Variants in CFAP54 observed in about 807,000 individuals in gnomAD.
CFAP54 encodes cilia and flagella associated protein 54.
A neutral mutation model predicts 370.4 loss-of-function variants in CFAP54; 290 were observed. That is an observed-to-expected ratio of 0.78 (90% confidence interval 0.71 to 0.86). The LOEUF (loss-of-function observed/expected upper bound fraction) is 0.86. CFAP54 is among the 40% of genes least tolerant of loss of function. The pLI is 0.00. For missense variants in CFAP54, 3,399 were observed against 3,528.7 expected (o/e 0.96, Z 0.93); for synonymous variants, 1,206 against 1,236.5 (o/e 0.98, Z 0.52).
In CFAP54 at chr12:96,547,914, GA is replaced by G; in HGVS notation, c.2091del (p.Glu698LysfsTer42). On this transcript the variant is annotated frameshift_variant, in exon 15 of 68. Coordinates refer to ENST00000524981, the MANE Select transcript of CFAP54 (RefSeq NM_001306084.2). LOFTEE classifies it high-confidence loss of function. ...CTTTCTTTTCCAGATGTACCTTTAA[GA>G]GAAGGGACTAACAAATTCCCTGGAG... ...KFKQSLDVPL[R>X]EGTNKFPGAP... The G allele has an allele frequency of 6.7e-7, 1 of 1,491,746 alleles. No individual in the cohort carries two copies. The highest frequency in any genetic ancestry group is 1.3e-5 in the South Asian group (1 of 79,138). The allele number at this position is 1,491,746 out of a possible 1,614,324, so 92.4% of individuals were successfully genotyped here. A position where few individuals can be genotyped will look rare whatever the true frequency, so the allele number is the denominator to read the frequency against.
intron 39 of CFAP54, among the ~76,000 whole-genome samples, chr12:96,666,464 G>A (rs1033722521): frequency 2.0e-5 from 3 of 152,182 alleles, no homozygotes; most frequent in African/African-American, 7.2e-5. Flanking sequence ...ACAAAAAGAG[G>A]TTTAATGAAT....
At chr12:96,647,463 A>C (rs1956807910) in intron 33 of CFAP54, among the ~76,000 whole-genome samples, 1 of 126,190 alleles carries the variant, frequency 7.9e-6, no homozygotes, top group African/African-American at 3.0e-5. Context: ...ACAGAGCGAG[A>C]CTCTGTCCCA....
At chr12:96,729,757 C>G (rs1957896140) in intron 50 of CFAP54, among the ~76,000 whole-genome samples, 1 of 152,176 alleles carries the variant, frequency 6.6e-6, no homozygotes, top group South Asian at 2.1e-4. Context: ...GATGGAAATG[C>G]AGAAATCACC....
At chr12:96,654,325 C>T (rs1461271804) in intron 36 of CFAP54, among the ~76,000 whole-genome samples, 1 of 152,010 alleles carries the variant, frequency 6.6e-6, no homozygotes, top group Non-Finnish European at 1.5e-5. Context: ...CTCGGTGAAA[C>T]CCCGTCTCTA....
At chr12:96,836,889 G>A (rs915284496) in intron 66 of CFAP54, among the ~76,000 whole-genome samples, 4 of 152,132 alleles carry the variant, frequency 2.6e-5, no homozygotes, top group African/African-American at 9.7e-5. Flanking sequence ...GTGCAGTGGT[G>A]TGATTATAGC....
chr12:96,741,219 T>C (rs1958047542), intron 51 of CFAP54, among the ~76,000 whole-genome samples: 1 of 152,214 alleles, frequency 6.6e-6, no homozygotes, highest in Non-Finnish European at 1.5e-5. Context: ...CAACCTGGAA[T>C]GCAGTGGCAC....
chr12:96,630,262 A>T, intron 31 of CFAP54, 58 bp downstream of exon 31: 1 of 876,366 alleles, frequency 1.1e-6, no homozygotes, highest in Non-Finnish European at 1.7e-6. Context: ...TCATGTATCT[A>T]GAGATGATTG....
rs890329927 is a variant in CFAP54 at position 96,605,451 on chromosome 12, T to C, written c.3639+6684T>C. Among the ~76,000 whole-genome samples the C allele has an allele frequency of 3.3e-5, 5 of 152,148 alleles. No homozygotes were observed. In the East Asian group the frequency reaches 9.6e-4, roughly 29 times the overall value. On this transcript the variant is annotated intron_variant, in intron 26 of 67. Transcript: ENST00000524981. ...ACTAGGCAGACTCTAAGGACAATTC[T>C]GAGATTGGTGTGCAGGACCCTGAAC...
At chr12:96,757,719 G>T in intron 58 of CFAP54, 131 bp downstream of exon 58, 1 of 524,424 alleles carries the variant, frequency 1.9e-6, no homozygotes, top group East Asian at 3.0e-5. Context: ...TTTCTTTGTA[G>T]TTACACTTGT....
intron 60 of CFAP54, among the ~76,000 whole-genome samples, chr12:96,772,291 A>G (rs991244602): frequency 1.4e-4 from 21 of 152,302 alleles, no homozygotes; most frequent in African/African-American, 5.1e-4. Context: ...TCAGAAGTCC[A>G]AAATAGGTCT....
At chr12:96,637,023 C>T (rs957336575) in intron 32 of CFAP54, among the ~76,000 whole-genome samples, 5 of 152,180 alleles carry the variant, frequency 3.3e-5, no homozygotes, top group South Asian at 2.1e-4. Context: ...GAAAGAAACC[C>T]GGCACCCCTT....
intron 66 of CFAP54, among the ~76,000 whole-genome samples, chr12:96,853,554 A>C (rs561723953): frequency 6.6e-6 from 1 of 152,286 alleles, no homozygotes; most frequent in East Asian, 1.9e-4. Flanking sequence ...ATTTTTACTT[A>C]AAAGAATTTT....
intron 50 of CFAP54, among the ~76,000 whole-genome samples, chr12:96,735,998 G>A (rs1957976289): frequency 6.6e-6 from 1 of 152,094 alleles, no homozygotes; most frequent in Non-Finnish European, 1.5e-5. Context: ...AGAAAACAAG[G>A]CATGTTAATT....
chr12:96,527,200 A>G, intron 8 of CFAP54, 46 bp from the exon 9 acceptor site: 2 of 1,456,620 alleles, frequency 1.4e-6, no homozygotes, highest in South Asian at 1.4e-5. Context: ...CCCACAATAT[A>G]ATAGCTTTAA....
At chr12:96,833,099 G>GA (rs1659512258) in intron 66 of CFAP54, among the ~76,000 whole-genome samples, 1 of 152,182 alleles carries the variant, frequency 6.6e-6, no homozygotes, top group African/African-American at 2.4e-5. Context: ...ATAGCAGAAA[G>GA]ATGAAGGAAG....
intron 15 of CFAP54, among the ~76,000 whole-genome samples, chr12:96,551,662 C>CA (rs940405423): frequency 6.6e-6 from 1 of 151,590 alleles, no homozygotes; most frequent in Non-Finnish European, 1.5e-5. Flanking sequence ...CAAAGAGATG[C>CA]AAAAAAAGCA....
chr12:96,666,105 G>A (rs1957076486), intron 39 of CFAP54, among the ~76,000 whole-genome samples: 1 of 152,032 alleles, frequency 6.6e-6, no homozygotes, highest in Non-Finnish European at 1.5e-5. Context: ...CAATCTGTAA[G>A]TTAGATAAGA....
rs190184870 is a variant in CFAP54 at position 96,779,992 on chromosome 12, G to A, written c.8282-4725G>A. ...TATTGGCTTTTGCATAGTTTTTGGG[G>A]GTGAACTTTTTCTAAAACGATGCCT... On this transcript the variant is annotated intron_variant, in intron 60 of 67. Transcript: ENST00000524981. Among the ~76,000 whole-genome samples, 463 of 152,036 alleles carry A rather than the reference G, an allele frequency of 3.0e-3. 1 individual carries two copies. Among genetic ancestry groups the A allele is most frequent in the Middle Eastern group, 0.01 (3 of 294 alleles).
intron 55 of CFAP54, among the ~76,000 whole-genome samples, chr12:96,752,116 G>T (rs940433008): frequency 1.3e-5 from 2 of 151,516 alleles, no homozygotes; most frequent in African/African-American, 4.8e-5. Context: ...GAGAGAGAGA[G>T]AGAGAGAGAG....
Sources: allele counts gnomAD v4.1 joint callset (sites outside exome capture counted in the v4.1 genomes callset), GRCh38; gene constraint gnomAD v4.1.1; transcripts MANE v1.5; gene names NCBI Gene and HGNC (gene_info 2026-07-23, HGNC 2026-07-21).